SCML2: variants seen among roughly 807,000 people sequenced by gnomAD.
SCML2 encodes sex comb on midleg-like protein 2.
In SCML2, 6 loss-of-function variants were observed where a neutral mutation model predicts 48.4. That is an observed-to-expected ratio of 0.12 (90% CI 0.07 to 0.24). The LOEUF is 0.24. Among genes scored for constraint, SCML2 ranks in the 10% least tolerant of loss-of-function variants. The pLI is 1.00. For synonymous variants in SCML2, 181 were observed against 189.5 expected, an observed-to-expected ratio of 0.95 and a Z score of 0.37; for missense variants, 377 against 528.2, an observed-to-expected ratio of 0.71 and a Z score of 2.81.
chrX:18,326,191 A>T (rs1175179423), intron 3 of SCML2, among the ~76,000 whole-genome samples: 1 of 112,376 alleles, frequency 8.9e-6, no homozygotes, highest in African/African-American at 3.2e-5. Context: ...ATATGTGTGT[A>T]TGCATTTCTA....
chrX:18,257,372 T>C (rs185850656), intron 10 of SCML2, among the ~76,000 whole-genome samples: 178 of 111,511 alleles, frequency 1.6e-3, no homozygotes, highest in Non-Finnish European at 3.0e-3. Context: ...ACTTCTTGAG[T>C]CACATATTTA....
At chrX:18,293,736 G>A (rs760042035) in intron 7 of SCML2, among the ~76,000 whole-genome samples, 29 of 112,166 alleles carry the variant, frequency 2.6e-4, no homozygotes, top group African/African-American at 9.0e-4. Context: ...AAGATGACAT[G>A]AAAAGATTAA....
At chrX:18,253,918 A>G (rs1424582884) in intron 11 of SCML2, among the ~76,000 whole-genome samples, 1 of 112,156 alleles carries the variant, frequency 8.9e-6, no homozygotes, top group Non-Finnish European at 1.9e-5. Flanking sequence ...TAAATGCTGT[A>G]TAATTCCATT....
intron 1 of SCML2, among the ~76,000 whole-genome samples, chrX:18,352,998 C>A (rs1223980007): frequency 8.1e-5 from 9 of 110,739 alleles, no homozygotes; most frequent in Non-Finnish European, 7.6e-5. Context: ...TCTTTACATT[C>A]TATCAAACTG....
At chrX:18,336,166 C>T (rs1446810350) in intron 1 of SCML2, among the ~76,000 whole-genome samples, 4 of 111,675 alleles carry the variant, frequency 3.6e-5, no homozygotes, top group Non-Finnish European at 7.5e-5. Flanking sequence ...ATCCCATTGG[C>T]GGGCATGGTG....
chrX:18,314,625 T>G (rs1380149998), intron 6 of SCML2, among the ~76,000 whole-genome samples: 1 of 112,171 alleles, frequency 8.9e-6, no homozygotes, highest in Non-Finnish European at 1.9e-5. Context: ...TCTTTTATCC[T>G]TTCTTCATTC....
intron 7 of SCML2, among the ~76,000 whole-genome samples, chrX:18,303,831 T>A (rs1753029747): frequency 8.9e-6 from 1 of 111,913 alleles, no homozygotes; most frequent in African/African-American, 3.3e-5. Flanking sequence ...TGTAGTATAA[T>A]GGAATGTGTT....
chrX:18,270,539 G>A (rs1464562725), intron 7 of SCML2, among the ~76,000 whole-genome samples: 2 of 110,460 alleles, frequency 1.8e-5, no homozygotes, highest in Non-Finnish European at 3.8e-5. Flanking sequence ...GCCTCCTAAG[G>A]ACTCGATTTT....
intron 6 of SCML2, 23 bp from the exon 7 acceptor site, chrX:18,305,238 A>G (rs1045796901): frequency 5.1e-6 from 6 of 1,167,141 alleles, no homozygotes; most frequent in Non-Finnish European, 6.8e-6. Context: ...TAAAAAAAAA[A>G]AAGATTTCAT....
intron 7 of SCML2, among the ~76,000 whole-genome samples, chrX:18,298,664 C>A (rs1230246938): frequency 3.6e-5 from 4 of 110,884 alleles, no homozygotes; most frequent in Non-Finnish European, 7.6e-5. Context: ...CGAGACCAGA[C>A]TGGCCAACAT....
At chrX:18,325,086 GAA>G (rs367569771) in intron 3 of SCML2, 109 bp from the exon 4 acceptor site, 172 of 239,807 alleles carry the variant, frequency 7.2e-4, no homozygotes, top group Middle Eastern at 9.1e-4. Context: ...CCTCTTAAAA[GAA>G]AAAAAAAAAA....
At chrX:18,289,872 G>A (rs1928173356) in intron 7 of SCML2, among the ~76,000 whole-genome samples, 1 of 111,574 alleles carries the variant, frequency 9.0e-6, no homozygotes, top group Non-Finnish European at 1.9e-5. Flanking sequence ...AAATGAGAAT[G>A]GGATGGGAGT....
At chrX:18,315,584 A>T (rs760606192) in intron 6 of SCML2, among the ~76,000 whole-genome samples, 11 of 111,332 alleles carry the variant, frequency 9.9e-5, no homozygotes, top group African/African-American at 2.9e-4. Flanking sequence ...AACAAAATGG[A>T]CCATAGAGGA....
At chrX:18,256,752 T>C (rs1926860489) in intron 11 of SCML2, 96 bp downstream of exon 11, 13 of 679,425 alleles carry the variant, frequency 1.9e-5, no homozygotes, top group Non-Finnish European at 2.1e-5. Context: ...TAGTTCACTG[T>C]GGCTAAAATG....
At chrX:18,347,342 G>A (rs988895327) in intron 1 of SCML2, among the ~76,000 whole-genome samples, 2 of 109,279 alleles carry the variant, frequency 1.8e-5, no homozygotes, top group Non-Finnish European at 3.8e-5. Context: ...CTACCTGGCA[G>A]GCTGAGACAG....
At chrX:18,265,884 T>C (rs1927243281) in intron 7 of SCML2, 82 bp from the exon 8 acceptor site, 6 of 705,742 alleles carry the variant, frequency 8.5e-6, no homozygotes, top group Non-Finnish European at 1.2e-5. Context: ...TAAGTTTTAC[T>C]CGACCTTTAA....
chrX:18,239,488 G>A lies in SCML2; in HGVS notation c.*1763C>T. The A allele has an allele frequency of 8.9e-6, 1 of 112,490 alleles. No individual in the cohort carries two copies. Among genetic ancestry groups the A allele is most frequent in the Admixed American group, 9.4e-5 (1 of 10,604 alleles). The allele number at this position is 112,490 out of a possible 1,213,427, so 9.3% of individuals were successfully genotyped here. A position where few individuals can be genotyped will look rare whatever the true frequency, so the allele number is the denominator to read the frequency against. On this transcript the variant is annotated 3_prime_UTR_variant, in exon 15 of 15. Coordinates refer to ENST00000251900, the MANE Select transcript of SCML2 (RefSeq NM_006089.3). ...ACATGTAAGGAATAACATAAATGAAGCTATTCTTTAAATAGTTGCATTCAT... is the reference window on the plus strand; with the variant it reads ...ACATGTAAGGAATAACATAAATGAAACTATTCTTTAAATAGTTGCATTCAT...
At chrX:18,246,493 G>T in intron 13 of SCML2, 84 bp downstream of exon 13, 1 of 1,051,491 alleles carries the variant, frequency 9.5e-7, no homozygotes, top group Non-Finnish European at 1.3e-6. Context: ...TTTCTCCAAT[G>T]TGATACTCTC....
At chrX:18,257,054 T>C (rs1429096994) in intron 10 of SCML2, 24 bp from the exon 11 acceptor site, 1 of 1,061,483 alleles carries the variant, frequency 9.4e-7, no homozygotes, top group Admixed American at 2.9e-5. Context: ...AAAAAGGATG[T>C]CAGTAACCTC....
Sources: allele counts gnomAD v4.1 joint callset (sites outside exome capture counted in the v4.1 genomes callset), GRCh38; gene constraint gnomAD v4.1.1; transcripts MANE v1.5; gene names NCBI Gene and HGNC (gene_info 2026-07-23, HGNC 2026-07-21).